The following ABCA12 variants were observed in gnomAD, a reference collection of about 807,000 sequenced individuals.
ABCA12 encodes ATP binding cassette subfamily A member 12.
Under a neutral mutation model 293.5 loss-of-function variants are expected in ABCA12, and 156 were observed. That is an observed-to-expected ratio of 0.53 (90% CI 0.47 to 0.61). The LOEUF is 0.61. Among genes scored for constraint, ABCA12 ranks in the 20% least tolerant of loss-of-function variants. The pLI is 0.00. For missense variants in ABCA12, 2,797 were observed against 3,090.2 expected, an observed-to-expected ratio of 0.91 and a Z score of 2.25; for synonymous variants, 1,063 against 1,108.0, an observed-to-expected ratio of 0.96 and a Z score of 0.81.
At chr2:215,104,474 G>A (rs1362655008) in intron 2 of ABCA12, among the ~76,000 whole-genome samples, 1 of 152,178 alleles carries the variant, frequency 6.6e-6, no homozygotes, top group African/African-American at 2.4e-5. Flanking sequence ...TCATCCCTGT[G>A]AGTGATGCAG....
intron 39 of ABCA12, among the ~76,000 whole-genome samples, chr2:214,960,854 A>G (rs953101985): frequency 2.6e-5 from 4 of 152,144 alleles, no homozygotes; most frequent in Non-Finnish European, 5.9e-5. Flanking sequence ...GTATTTTTTG[A>G]GAAGAAAGAA....
At chr2:215,024,207 C>T (rs1700691316) in intron 11 of ABCA12, among the ~76,000 whole-genome samples, 1 of 152,168 alleles carries the variant, frequency 6.6e-6, no homozygotes, top group Non-Finnish European at 1.5e-5. Context: ...TTAGATATCC[C>T]GCCTCCATGC....
At chr2:214,946,865 G>A (rs1344525508) in intron 48 of ABCA12, among the ~76,000 whole-genome samples, 2 of 151,974 alleles carry the variant, frequency 1.3e-5, no homozygotes, top group East Asian at 3.9e-4. Flanking sequence ...TGTAAATGTG[G>A]AATGCATTTC....
chr2:215,039,568 A>C (rs1473214982), intron 7 of ABCA12, among the ~76,000 whole-genome samples: 1 of 152,154 alleles, frequency 6.6e-6, no homozygotes, highest in Non-Finnish European at 1.5e-5. Flanking sequence ...ATCCTGGCTA[A>C]CACAGTGAGA....
At chr2:215,064,695 A>ACG (rs1161147514) in intron 2 of ABCA12, among the ~76,000 whole-genome samples, 6 of 17,884 alleles carry the variant, frequency 3.4e-4, no homozygotes, top group Admixed American at 7.9e-4. Flanking sequence ...TAATACACGC[A>ACG]CACACACACA....
At chr2:214,940,737 A>G (rs1296851773) in intron 50 of ABCA12, among the ~76,000 whole-genome samples, 1 of 151,748 alleles carries the variant, frequency 6.6e-6, no homozygotes, top group East Asian at 1.9e-4. Context: ...CTCTTCTAGA[A>G]TTTCTAGTTT....
Position 215,012,060 on chromosome 2 carries a change from TGA to T in ABCA12, c.2030_2031del (p.Leu677GlnfsTer46). On this transcript the variant is annotated frameshift_variant, in exon 16 of 53. Transcript: ENST00000272895. LOFTEE classifies it high-confidence loss of function. The part of the protein sequence containing the change: ...MELFIRLKEI[L>X]NQMASGTHPL... ...GGATGTGTGCCAGAAGCCATCTGAT[TGA>T]GAATCTCTTTTAGTCTTATGAAGAG... The T allele has an allele frequency of 6.2e-7, 1 of 1,614,022 alleles. No homozygotes were observed. The highest frequency in any genetic ancestry group is 8.5e-7 in the Non-Finnish European group (1 of 1,179,926).
intron 2 of ABCA12, among the ~76,000 whole-genome samples, chr2:215,072,259 A>G (rs1359162999): frequency 6.6e-6 from 1 of 152,144 alleles, no homozygotes; most frequent in African/African-American, 2.4e-5. Context: ...GCTGCCAAGT[A>G]CCACAGCCAG....
intron 50 of ABCA12, among the ~76,000 whole-genome samples, chr2:214,941,619 G>A (rs573598063): frequency 1.8e-4 from 27 of 152,194 alleles, no homozygotes; most frequent in Non-Finnish European, 3.2e-4. Flanking sequence ...CTTGCTTTAT[G>A]AATCTCGGTG....
chr2:214,974,004 G>C lies in ABCA12; in HGVS notation c.5507C>G (p.Thr1836Ser), dbSNP rs758698253. The C allele has an allele frequency of 4.3e-6, 7 of 1,613,964 alleles. No individual in the cohort carries two copies. In the South Asian group the frequency reaches 6.6e-5, roughly 15 times the overall value. ...AAAATTAGTGATGGGTTCTCCACTG[G>C]TGTTCCATTTTTCCAGACTGTCTTT... The part of the protein sequence containing the change: ...LNKDSLEKWN[T>S]SGEPITNFGV... The change falls in exon 36 of 53, where the codon ACC becomes AGC. Residue 1836 changes from threonine to serine, a missense_variant. Thr to Ser is a moderately conservative substitution (Grantham distance 58). Around this residue, in one of 3 missense-constraint regions of ABCA12, gnomAD observed 2,130 missense variants for 2,427.0 expected, o/e 0.88. Coordinates refer to ENST00000272895, the MANE Select transcript of ABCA12 (RefSeq NM_173076.3).
Position 215,007,858 on chromosome 2 carries a change from A to G in ABCA12, c.2473-12T>C, listed in dbSNP as rs774899146. On this transcript the variant is annotated splice_polypyrimidine_tract_variant and intron_variant, in intron 18 of 52. Coordinates refer to ENST00000272895, the MANE Select transcript of ABCA12 (RefSeq NM_173076.3). ...AGAGTTACATTGGACTTAATGACAA[A>G]GAAACAAAAGAAGTGTGATCCATTA... 6.2e-7 allele frequency: 1 copy of G among 1,613,748 alleles called. No homozygotes were observed. Among genetic ancestry groups the G allele is most frequent in the South Asian group, 1.1e-5 (1 of 91,074 alleles).
In ABCA12 at chr2:214,982,326, T is replaced by G; in HGVS notation, c.4440A>C (p.Ser1480=). 6.2e-7 allele frequency: 1 copy of G among 1,614,152 alleles called. No homozygotes were observed. The highest frequency in any genetic ancestry group is 1.3e-5 in the African/African-American group (1 of 75,056). ...TAGATAACTTCCTCTTCATGCCTCC[T>G]GACAGTGTTCCAACTCTCTTATGAC... ...SHRHKRVGTL[S]GGMKRKLSIS... Residue 1480 remains serine, a synonymous_variant, in exon 30 of 53, where the codon TCA becomes TCC. Transcript: ENST00000272895.
chr2:215,042,950 T>C (rs971961238), intron 7 of ABCA12, among the ~76,000 whole-genome samples: 2 of 152,166 alleles, frequency 1.3e-5, no homozygotes, highest in Non-Finnish European at 2.9e-5. Context: ...GTATTTGTCT[T>C]TCTGTGCATG....
At chr2:215,012,597 G>A (rs187207039) in intron 15 of ABCA12, among the ~76,000 whole-genome samples, 1 of 152,248 alleles carries the variant, frequency 6.6e-6, no homozygotes, top group East Asian at 1.9e-4. Context: ...CAAATCTACA[G>A]AGACAGAAAA....
chr2:215,007,958 T>A (rs533824783), intron 18 of ABCA12, 112 bp from the exon 19 acceptor site: 1 of 1,372,940 alleles, frequency 7.3e-7, no homozygotes, highest in South Asian at 1.2e-5. Flanking sequence ...TTCTAAAACA[T>A]GAAGTTAGTA....
chr2:215,084,726 C>A (rs1202867647), intron 2 of ABCA12, among the ~76,000 whole-genome samples: 3 of 152,186 alleles, frequency 2.0e-5, no homozygotes, highest in Admixed American at 6.5e-5. Context: ...ATTTACCTTA[C>A]TGGCAAAGTT....
chr2:215,025,586 T>C lies in ABCA12; in HGVS notation c.1287+87A>G, dbSNP rs904170217. On this transcript the variant is annotated intron_variant, in intron 11 of 52. Coordinates refer to ENST00000272895, the MANE Select transcript of ABCA12 (RefSeq NM_173076.3). ...TAAAAGTGTATCTTGCCAAATATTA[T>C]GAGAAGTGTTAAGGTTTTTTTTTTG... 1.7e-5 allele frequency: 14 copies of C among 836,248 alleles called. No individual in the cohort carries two copies. The African/African-American group carries it at 2.1e-4, about 13-fold the overall frequency. The allele number at this position is 836,248 out of a possible 1,614,324, so 51.8% of individuals were successfully genotyped here.
At chr2:215,106,983 G>A (rs1387887279) in intron 2 of ABCA12, among the ~76,000 whole-genome samples, 2 of 152,208 alleles carry the variant, frequency 1.3e-5, no homozygotes, top group African/African-American at 2.4e-5. Flanking sequence ...ACAGCCTTGA[G>A]ATAGTTGGGG....
chr2:215,040,386 C>T (rs1204298190), intron 7 of ABCA12, among the ~76,000 whole-genome samples: 8 of 152,084 alleles, frequency 5.3e-5, no homozygotes, highest in Admixed American at 3.9e-4. Context: ...GTTCAATCAT[C>T]AGAGAAATGC....
Sources: allele counts gnomAD v4.1 joint callset (sites outside exome capture counted in the v4.1 genomes callset), GRCh38; gene constraint gnomAD v4.1.1; regional missense constraint gnomAD v4.1.1; transcripts MANE v1.5; gene names NCBI Gene and HGNC (gene_info 2026-07-23, HGNC 2026-07-21).